RYR2: variants seen among roughly 807,000 people sequenced by gnomAD.
The protein encoded by RYR2 is ryanodine receptor 2.
A neutral mutation model predicts 601.1 loss-of-function variants in RYR2; 227 were observed. That is an observed-to-expected ratio of 0.38 (90% CI 0.34 to 0.42). The LOEUF (loss-of-function observed/expected upper bound fraction) is 0.42, where lower values mean the gene tolerates loss of function less well. Among genes scored for constraint, RYR2 ranks in the 10% least tolerant of loss-of-function variants. The pLI, the probability that RYR2 is intolerant of heterozygous loss-of-function variation, is 1.00. For synonymous variants in RYR2, 2,223 were observed against 2,175.1 expected, an observed-to-expected ratio of 1.02 and a Z score of -0.61; for missense variants, 4,646 against 6,156.5, an observed-to-expected ratio of 0.75 and a Z score of 8.21.
intron 2 of RYR2, among the ~76,000 whole-genome samples, chr1:237,282,675 G>T (rs1379670877): frequency 2.6e-5 from 4 of 152,100 alleles, no homozygotes; most frequent in African/African-American, 7.2e-5. Flanking sequence ...GAAAGTATAG[G>T]GATGGCATTT....
chr1:237,114,311 T>A (rs1933129), intron 1 of RYR2, among the ~76,000 whole-genome samples: 12,344 of 152,260 alleles, frequency 0.081, 733 homozygotes, highest in African/African-American at 0.17. Flanking sequence ...TTGATATGTG[T>A]AATATCTTTT....
In RYR2 at chr1:237,829,119, G is replaced by A. The variant is rs534161862; in HGVS notation, c.14655+674G>A. On this transcript the variant is annotated intron_variant, in intron 102 of 104. Transcript: ENST00000366574. ...ATGATGAGGCTGGAGAGGAATACCA[G>A]TGAATGAAGAATATAATCACTCATT... Among the ~76,000 whole-genome samples, 3 of 152,342 alleles carry A rather than the reference G, an allele frequency of 2.0e-5. No homozygotes were observed. In the South Asian group the frequency reaches 6.2e-4, roughly 32 times the overall value.
intron 2 of RYR2, among the ~76,000 whole-genome samples, chr1:237,284,942 G>T (rs2149396647): frequency 6.6e-6 from 1 of 152,014 alleles, no homozygotes; most frequent in East Asian, 1.9e-4. Flanking sequence ...GAGTCCTTAG[G>T]GTTTTCAAGG....
intron 1 of RYR2, among the ~76,000 whole-genome samples, chr1:237,248,774 T>C (rs536430898): frequency 0.05 from 7,629 of 151,432 alleles, 495 homozygotes; most frequent in African/African-American, 0.15. Flanking sequence ...TTTTTTTTTT[T>C]TTTTGAGATG....
intron 2 of RYR2, among the ~76,000 whole-genome samples, chr1:237,310,849 A>C (rs894583008): frequency 2.0e-5 from 3 of 152,226 alleles, no homozygotes; most frequent in African/African-American, 7.2e-5. Flanking sequence ...TCTTTCCCTC[A>C]GTTGGTCTGA....
chr1:237,131,048 G>A (rs1436710161), intron 1 of RYR2, among the ~76,000 whole-genome samples: 1 of 152,120 alleles, frequency 6.6e-6, no homozygotes, highest in Non-Finnish European at 1.5e-5. Context: ...TACTGCTGAG[G>A]AGGGGCAAAA....
At chr1:237,376,843 T>A (rs1449646082) in intron 7 of RYR2, among the ~76,000 whole-genome samples, 8 of 152,220 alleles carry the variant, frequency 5.3e-5, no homozygotes, top group Non-Finnish European at 4.4e-5. Flanking sequence ...CTTTAGATGA[T>A]AATACTTTGC....
intron 83 of RYR2, 25 bp from the exon 84 acceptor site, chr1:237,760,930 G>GTT: frequency 1.1e-5 from 15 of 1,427,280 alleles, no homozygotes; most frequent in Non-Finnish European, 1.3e-5. Context: ...TCCTCTAAAT[G>GTT]TTTTTTTTTC....
At chr1:237,338,440 C>T (rs982800541) in intron 3 of RYR2, among the ~76,000 whole-genome samples, 1 of 152,024 alleles carries the variant, frequency 6.6e-6, no homozygotes. Flanking sequence ...GCATAGTAGA[C>T]ACTAATTACT....
At chr1:237,100,091 T>G (rs1667919429) in intron 1 of RYR2, among the ~76,000 whole-genome samples, 1 of 152,196 alleles carries the variant, frequency 6.6e-6, no homozygotes, top group African/African-American at 2.4e-5. Flanking sequence ...ATGGGTTAGC[T>G]TCTATTTTTC....
In RYR2 at chr1:237,828,502, C is replaced by T. The variant is rs1574117762; in HGVS notation, c.14655+57C>T. On this transcript the variant is annotated intron_variant, in intron 102 of 104. Coordinates refer to ENST00000366574, the MANE Select transcript of RYR2 (RefSeq NM_001035.3). ...TGTTGTCCTGGGCCCTCGTTTTCCT[C>T]ACTACCTTTATCAATAGAATCATGA... 1.1e-5 allele frequency: 12 copies of T among 1,136,218 alleles called. No individual in the cohort carries two copies. In the East Asian group the frequency reaches 2.6e-4, roughly 25 times the overall value. 70.4% of individuals were successfully genotyped at this position (1,136,218 alleles called of 1,614,324 possible). A position where few individuals can be genotyped will look rare whatever the true frequency, so the allele number is the denominator to read the frequency against.
At chr1:237,803,573 T>G (rs1660258108) in intron 98 of RYR2, among the ~76,000 whole-genome samples, 1 of 152,166 alleles carries the variant, frequency 6.6e-6, no homozygotes, top group African/African-American at 2.4e-5. Flanking sequence ...GTACTGGGAT[T>G]ACAAGCGTGA....
chr1:237,488,664 C>T (rs535566844), intron 17 of RYR2, among the ~76,000 whole-genome samples: 2 of 152,264 alleles, frequency 1.3e-5, no homozygotes, highest in East Asian at 1.9e-4. Flanking sequence ...GCTCCTGTCC[C>T]ACCCTAACTG....
chr1:237,746,994 CAG>C (rs1240645913), intron 80 of RYR2, among the ~76,000 whole-genome samples: 2 of 152,068 alleles, frequency 1.3e-5, no homozygotes, highest in African/African-American at 2.4e-5. Flanking sequence ...TAAAAAAACT[CAG>C]AAACATTCTT....
chr1:237,428,596 G>A (rs536900284), intron 12 of RYR2, among the ~76,000 whole-genome samples: 15 of 151,748 alleles, frequency 9.9e-5, no homozygotes, highest in Admixed American at 7.2e-4. Flanking sequence ...AGGGCCTCTC[G>A]GTGGGGCGGG....
intron 29 of RYR2, among the ~76,000 whole-genome samples, chr1:237,576,706 T>C (rs1673260820): frequency 6.6e-6 from 1 of 151,840 alleles, no homozygotes; most frequent in African/African-American, 2.4e-5. Context: ...AGAAAAACAG[T>C]CAGGTATTAA....
chr1:237,211,455 A>G (rs1426407065), intron 1 of RYR2, among the ~76,000 whole-genome samples: 1 of 152,150 alleles, frequency 6.6e-6, no homozygotes, highest in Non-Finnish European at 1.5e-5. Flanking sequence ...ATATTCTTTC[A>G]GGTGAGGAAA....
At chr1:237,215,586 G>T (rs1466276325) in intron 1 of RYR2, among the ~76,000 whole-genome samples, 2 of 152,056 alleles carry the variant, frequency 1.3e-5, no homozygotes, top group Non-Finnish European at 2.9e-5. Flanking sequence ...TACTTGTGTT[G>T]TTTTCATATA....
chr1:237,501,485 T>C (rs1664631497), intron 21 of RYR2, among the ~76,000 whole-genome samples: 1 of 152,128 alleles, frequency 6.6e-6, no homozygotes, highest in South Asian at 2.1e-4. Context: ...CAAATTAAAG[T>C]GATAATCCAT....
Sources: allele counts gnomAD v4.1 joint callset (sites outside exome capture counted in the v4.1 genomes callset), GRCh38; gene constraint gnomAD v4.1.1; transcripts MANE v1.5; gene names NCBI Gene and HGNC (gene_info 2026-07-23, HGNC 2026-07-21).